GRM8: variants seen among roughly 807,000 people sequenced by gnomAD.
The protein encoded by GRM8 is glutamate metabotropic receptor 8.
In GRM8, 47 loss-of-function variants were observed where a neutral mutation model predicts 87.2. The observed-to-expected ratio is 0.54, with a 90% CI of 0.43 to 0.69. The LOEUF (loss-of-function observed/expected upper bound fraction) is 0.69. Ranked by LOEUF, GRM8 falls within the 30% of genes least tolerant of loss-of-function variation. GRM8 has a pLI of 0.00. For synonymous variants in GRM8, 396 were observed against 404.5 expected, an observed-to-expected ratio of 0.98 and a Z score of 0.25; for missense variants, 1,019 against 1,139.2, an observed-to-expected ratio of 0.89 and a Z score of 1.52.
rs2150434797 is a variant in GRM8, at chr7:126,438,640, TG to T, written c.*478del. On this transcript the variant is annotated 3_prime_UTR_variant, in exon 11 of 11. Coordinates refer to ENST00000339582, the MANE Select transcript of GRM8 (RefSeq NM_000845.3). Reference sequence around the variant, plus strand: ...CCTTTATTATTAGAAATAAATTATTTGTATAAAAAATTGCATGCATCAATCA... The same window carrying T: ...CCTTTATTATTAGAAATAAATTATTTTATAAAAAATTGCATGCATCAATCA... The T allele has an allele frequency of 6.5e-6, 1 of 152,804 alleles. No homozygotes were observed. The highest frequency in any genetic ancestry group is 2.1e-4 in the South Asian group (1 of 4,840). The allele number at this position is 152,804 out of a possible 1,614,324, so 9.5% of individuals were successfully genotyped here.
At chr7:126,468,336 T>G (rs1309849621) in intron 9 of GRM8, among the ~76,000 whole-genome samples, 1 of 152,112 alleles carries the variant, frequency 6.6e-6, no homozygotes, top group African/African-American at 2.4e-5. Flanking sequence ...AACATGTACA[T>G]TGATAGTCCA....
chr7:126,860,143 G>A (rs1451736237), intron 6 of GRM8, among the ~76,000 whole-genome samples: 1 of 152,146 alleles, frequency 6.6e-6, no homozygotes, highest in Non-Finnish European at 1.5e-5. Flanking sequence ...TTATGATGGA[G>A]CCTAGATTCC....
intron 7 of GRM8, among the ~76,000 whole-genome samples, chr7:126,671,222 T>C (rs1349829089): frequency 1.3e-5 from 2 of 152,182 alleles, no homozygotes; most frequent in African/African-American, 4.8e-5. Context: ...TCCAAGTTTG[T>C]CTTGGGACCT....
chr7:127,119,711 CTGTT>C (rs1472566748), intron 2 of GRM8, among the ~76,000 whole-genome samples: 3 of 152,116 alleles, frequency 2.0e-5, no homozygotes, highest in South Asian at 2.1e-4. Context: ...AGTCTGCTTT[CTGTT>C]TGTTTGTTCT....
intron 9 of GRM8, among the ~76,000 whole-genome samples, chr7:126,516,561 T>C (rs2150769535): frequency 1.3e-5 from 2 of 152,230 alleles, no homozygotes; most frequent in Middle Eastern, 6.8e-3. Context: ...GAAATTAAAC[T>C]AAGCAAGCAT....
At chr7:127,078,215 G>A (rs1459851286) in intron 3 of GRM8, among the ~76,000 whole-genome samples, 1 of 152,152 alleles carries the variant, frequency 6.6e-6, no homozygotes, top group Admixed American at 6.5e-5. Context: ...GATCCAGATG[G>A]AATGTCACCT....
At chr7:126,938,284 T>C (rs1169113394) in intron 3 of GRM8, among the ~76,000 whole-genome samples, 1 of 152,156 alleles carries the variant, frequency 6.6e-6, no homozygotes, top group Non-Finnish European at 1.5e-5. Flanking sequence ...TGCCTGGGGA[T>C]GCAGAGCAAT....
chr7:126,607,806 T>A (rs530955925), intron 8 of GRM8, among the ~76,000 whole-genome samples: 2 of 151,676 alleles, frequency 1.3e-5, no homozygotes, highest in Admixed American at 1.3e-4. Context: ...CACTAACTCG[T>A]CATCTAGCAT....
At chr7:127,020,724 G>T (rs1327256486) in intron 3 of GRM8, among the ~76,000 whole-genome samples, 2 of 151,986 alleles carry the variant, frequency 1.3e-5, no homozygotes, top group African/African-American at 4.8e-5. Flanking sequence ...AGAAGGTGAG[G>T]GGAAGAACCA....
Position 126,586,238 on chromosome 7 carries a change from T to C in GRM8, c.1494+23124A>G, listed in dbSNP as rs374058860. Among the ~76,000 whole-genome samples the C allele has an allele frequency of 2.0e-5, 3 of 152,186 alleles. No individual in the cohort carries two copies. In the East Asian group the frequency reaches 5.8e-4, roughly 29 times the overall value. On this transcript the variant is annotated intron_variant, in intron 8 of 10. Coordinates refer to ENST00000339582, the MANE Select transcript of GRM8 (RefSeq NM_000845.3). ...TCATGGATAGGAAAAATCAATATCA[T>C]GAAAATGGCCATACTGCCCAAGGTA...
intron 2 of GRM8, among the ~76,000 whole-genome samples, chr7:127,183,433 C>T (rs1009854016): frequency 6.6e-6 from 1 of 151,678 alleles, no homozygotes; most frequent in South Asian, 2.1e-4. Flanking sequence ...AAACAACACA[C>T]TTCTAAATAA....
chr7:127,074,705 A>G (rs1483816132), intron 3 of GRM8, among the ~76,000 whole-genome samples: 12 of 152,186 alleles, frequency 7.9e-5, no homozygotes. Context: ...GTCTCCTAAC[A>G]GTGCTGGATA....
chr7:126,662,824 T>A (rs1805348962), intron 7 of GRM8, among the ~76,000 whole-genome samples: 1 of 152,132 alleles, frequency 6.6e-6, no homozygotes, highest in African/African-American at 2.4e-5. Context: ...TTATGAAATG[T>A]TTAGTGTTGA....
chr7:126,831,071 C>T (rs1050363877), intron 6 of GRM8, among the ~76,000 whole-genome samples: 1 of 152,156 alleles, frequency 6.6e-6, no homozygotes, highest in Non-Finnish European at 1.5e-5. Flanking sequence ...GAAGTTTTGT[C>T]TCAGAGGAGT....
intron 7 of GRM8, among the ~76,000 whole-genome samples, chr7:126,743,759 G>C (rs2151517424): frequency 6.6e-6 from 1 of 152,148 alleles, no homozygotes; most frequent in Admixed American, 6.5e-5. Context: ...AAATTATTTA[G>C]AATAGTGGCT....
intron 7 of GRM8, among the ~76,000 whole-genome samples, chr7:126,673,168 C>T (rs1042360409): frequency 1.3e-5 from 2 of 152,104 alleles, no homozygotes; most frequent in South Asian, 4.1e-4. Flanking sequence ...AGGAAGCACT[C>T]TAGCAGGGAC....
chr7:126,830,772 A>C (rs1006123141), intron 6 of GRM8, among the ~76,000 whole-genome samples: 11 of 152,088 alleles, frequency 7.2e-5, no homozygotes, highest in African/African-American at 2.7e-4. Context: ...GGAGGAGGAG[A>C]GGTGCTCTGC....
At chr7:127,229,128 TTTTAA>T (rs770601071) in intron 2 of GRM8, 25 of 152,070 alleles carry the variant, frequency 1.6e-4, no homozygotes, top group Non-Finnish European at 3.4e-4. Context: ...AAGATACAGG[TTTTAA>T]TTTGAGTTCT....
intron 2 of GRM8, among the ~76,000 whole-genome samples, chr7:127,116,363 T>C: frequency 6.6e-6 from 1 of 151,030 alleles, no homozygotes; most frequent in African/African-American, 2.5e-5. Context: ...TAATGGTTAC[T>C]TTTTTATTAA....
Sources: gnomAD v4.1 joint callset for allele counts (sites outside exome capture counted in the v4.1 genomes callset) on GRCh38, gnomAD v4.1.1 for gene constraint, MANE v1.5 for transcripts, NCBI Gene and HGNC (gene_info 2026-07-23, HGNC 2026-07-21) for gene names.